Variants in MAJIN observed in about 807,000 individuals in gnomAD.
MAJIN encodes the protein membrane-anchored junction protein.
Under a neutral mutation model 30.2 loss-of-function variants are expected in MAJIN, and 27 were observed. The ratio of observed to expected loss-of-function variants is 0.89; its 90% CI spans 0.66 to 1.23. The LOEUF is 1.23. Ranked by LOEUF, MAJIN falls within the 50% of genes most tolerant of loss-of-function variation. The pLI is 0.00. For synonymous variants in MAJIN, 78 were observed against 91.6 expected (o/e 0.85, Z 0.85); for missense variants, 253 against 260.3 (o/e 0.97, Z 0.19).
intron 1 of MAJIN, among the ~76,000 whole-genome samples, chr11:64,970,365 T>TTTC (rs1284104426): frequency 4.0e-5 from 5 of 126,392 alleles, no homozygotes; most frequent in African/African-American, 1.2e-4. Flanking sequence ...CTCCGTCTTT[T>TTTC]TTTTTTTTTT....
At chr11:64,966,466 C>T (rs1022186910) in intron 1 of MAJIN, among the ~76,000 whole-genome samples, 7 of 151,826 alleles carry the variant, frequency 4.6e-5, no homozygotes, top group African/African-American at 7.3e-5. Context: ...ACCCAGGAGG[C>T]GGAGGTTGCA....
In MAJIN at chr11:64,940,625, G is replaced by GCAATCC; in HGVS notation, c.494_495insGGATTG (p.Asn165delinsLysAspCys). 1 of 1,614,014 alleles carries GCAATCC rather than the reference G, an allele frequency of 6.2e-7. No homozygotes were observed. Among genetic ancestry groups the GCAATCC allele is most frequent in the Non-Finnish European group, 8.5e-7 (1 of 1,179,978 alleles). On this transcript the variant is annotated protein_altering_variant, in exon 9 of 11. Transcript: ENST00000301896. ...GAGGCCAGAGTCTCCTGCAATCCTT[G>GCAATCC]TTGGGTTTTTCTTTCCCTATTCTGT...
At chr11:64,963,812 C>G (rs996180539) in intron 1 of MAJIN, among the ~76,000 whole-genome samples, 2 of 152,124 alleles carry the variant, frequency 1.3e-5, no homozygotes, top group African/African-American at 4.8e-5. Context: ...GCACTCCAGC[C>G]TGGGCAACAG....
At chr11:64,945,719 T>C (rs1282829608) in intron 8 of MAJIN, among the ~76,000 whole-genome samples, 1 of 152,068 alleles carries the variant, frequency 6.6e-6, no homozygotes, top group Non-Finnish European at 1.5e-5. Flanking sequence ...GTATTTTTAG[T>C]AGAGACTGGG....
At chr11:64,961,616 C>G (rs1302700744) in intron 1 of MAJIN, among the ~76,000 whole-genome samples, 1 of 151,390 alleles carries the variant, frequency 6.6e-6, no homozygotes, top group East Asian at 1.9e-4. Context: ...GCTGGGACTA[C>G]AGGCGCCCGC....
At position 64,948,602 on chromosome 11, in the gene MAJIN, C is replaced by CATTCATATATATATATATATAT. The variant is rs1179607088; in HGVS notation, c.350-784_350-783insATATATATATATATATATGAAT. 1.0e-3 allele frequency among the ~76,000 whole-genome samples: 20 copies of CATTCATATATATATATATATAT among 19,416 alleles called. 3 individuals carry two copies. The highest frequency in any genetic ancestry group is 1.4e-3 in the Non-Finnish European group (17 of 12,228). The allele number at this position is 19,416 out of a possible 152,430, so 12.7% of individuals were successfully genotyped here. On this transcript the variant is annotated intron_variant, in intron 6 of 10. Coordinates refer to ENST00000301896, the MANE Select transcript of MAJIN (RefSeq NM_001037225.3). ...GCACCACCACCATGTCGGGCTACAT[C>CATTCATATATATATATATATAT]ATATATATATATATATATATATATA... is the stretch of plus-strand genomic sequence containing the variant.
intron 5 of MAJIN, 91 bp from the exon 6 acceptor site, chr11:64,949,959 C>G (rs1001034212): frequency 8.0e-6 from 12 of 1,492,188 alleles, no homozygotes; most frequent in Admixed American, 1.8e-5. Context: ...TTCCCCTGAC[C>G]TACCCTCCAA....
chr11:64,947,881 A>C, intron 6 of MAJIN, 62 bp from the exon 7 acceptor site: 3 of 1,338,648 alleles, frequency 2.2e-6, no homozygotes, highest in Non-Finnish European at 3.1e-6. Context: ...TTTTTTGGAG[A>C]TTAAGTCTCT....
chr11:64,964,898 T>C (rs148540228), intron 1 of MAJIN, among the ~76,000 whole-genome samples: 1 of 152,300 alleles, frequency 6.6e-6, no homozygotes, highest in Non-Finnish European at 1.5e-5. Context: ...ATGTAAGCTT[T>C]TTGATTAAAG....
At chr11:64,957,267 A>T (rs1360738337) in intron 3 of MAJIN, among the ~76,000 whole-genome samples, 1 of 151,226 alleles carries the variant, frequency 6.6e-6, no homozygotes, top group Non-Finnish European at 1.5e-5. Flanking sequence ...TTTTGTAGAG[A>T]TGGGGTCTCA....
intron 3 of MAJIN, among the ~76,000 whole-genome samples, chr11:64,957,291 G>C (rs2136785102): frequency 6.6e-6 from 1 of 151,548 alleles, no homozygotes; most frequent in African/African-American, 2.4e-5. Flanking sequence ...TGTTGCCCAG[G>C]CTGATCTCAA....
chr11:64,954,854 G>C (rs753024664), intron 3 of MAJIN, 52 bp from the exon 4 acceptor site: 5 of 1,510,814 alleles, frequency 3.3e-6, no homozygotes, highest in Middle Eastern at 1.9e-4. Flanking sequence ...AAGCTCTGGA[G>C]AGAGTAGACT....
chr11:64,965,346 A>G (rs1180728356), intron 1 of MAJIN, among the ~76,000 whole-genome samples: 11 of 152,192 alleles, frequency 7.2e-5, no homozygotes, highest in Admixed American at 5.2e-4. Flanking sequence ...CTAACAGAGA[A>G]TTAGGAAGCT....
At chr11:64,958,598 GAAAAA>G (rs202169389) in intron 3 of MAJIN, among the ~76,000 whole-genome samples, 3 of 102,516 alleles carry the variant, frequency 2.9e-5, no homozygotes, top group Non-Finnish European at 5.5e-5. Context: ...TGTCTTGGGA[GAAAAA>G]AAAAAAAAAA....
At chr11:64,939,123 C>T (rs558544714) in intron 10 of MAJIN, among the ~76,000 whole-genome samples, 6 of 152,120 alleles carry the variant, frequency 3.9e-5, no homozygotes, top group Admixed American at 1.3e-4. Context: ...TTTTTAATCT[C>T]GGCTCACTGC....
chr11:64,961,484 T>TC (rs1945724284), intron 1 of MAJIN, among the ~76,000 whole-genome samples: 1 of 133,810 alleles, frequency 7.5e-6, no homozygotes, highest in Non-Finnish European at 1.6e-5. Context: ...TTTTTTTTTT[T>TC]TTTTTTTTTG....
At chr11:64,954,330 T>G (rs1323485097) in intron 4 of MAJIN, 1 of 289,488 alleles carries the variant, frequency 3.5e-6, no homozygotes, top group Non-Finnish European at 6.7e-6. Context: ...CAATTGCAAA[T>G]GTTGCCAATT....
At position 64,947,409 on chromosome 11, in the gene MAJIN, G is replaced by A. The variant is rs145232114; in HGVS notation, c.438C>T (p.Asp146=). The A allele has an allele frequency of 1.5e-4, 234 of 1,613,630 alleles. No individual in the cohort carries two copies. Among genetic ancestry groups the A allele is most frequent in the Non-Finnish European group, 1.8e-4 (216 of 1,180,040 alleles). The change falls in exon 8 of 11, where the codon GAC becomes GAT. Residue 146 remains aspartate (D), a synonymous_variant. Coordinates refer to ENST00000301896, the MANE Select transcript of MAJIN (RefSeq NM_001037225.3). ...CTGGCCTGCTGGGGGAGCTGGGCTC[G>A]TCCATGTGTTTTCGTTTCCTCATCA... ...GAVMRKRKHM[D]EPSSPSRPGL...
chr11:64,972,009 C>T lies in MAJIN; in HGVS notation c.-197G>A, dbSNP rs1240309840. On this transcript the variant is annotated 5_prime_UTR_variant, in exon 1 of 11. Transcript: ENST00000301896. ...GCTCTCTGAAAAAGGCGGGCGCCAA[C>T]CTCGAACGAAGTCGTTTTGAGGGAC... 13 of 152,270 alleles carry T rather than the reference C, an allele frequency of 8.5e-5. No homozygotes were observed. The highest frequency in any genetic ancestry group is 8.5e-4 in the Admixed American group (13 of 15,290). The allele number at this position is 152,270 out of a possible 1,614,324, so 9.4% of individuals were successfully genotyped here. A position where few individuals can be genotyped will look rare whatever the true frequency, so the allele number is the denominator to read the frequency against.
Sources: allele counts gnomAD v4.1 joint callset (sites outside exome capture counted in the v4.1 genomes callset), GRCh38; gene constraint gnomAD v4.1.1; transcripts MANE v1.5; gene names NCBI Gene and HGNC (gene_info 2026-07-23, HGNC 2026-07-21).